DNAH6: variants seen among roughly 807,000 people sequenced by gnomAD.
DNAH6 encodes the protein dynein axonemal heavy chain 6.
Under a neutral mutation model 491.4 loss-of-function variants are expected in DNAH6, and 340 were observed. The observed-to-expected ratio is 0.69, with a 90% confidence interval of 0.63 to 0.76. The LOEUF is 0.76. DNAH6 is among the 30% of genes least tolerant of loss of function. DNAH6 has a pLI of 0.00. For synonymous variants in DNAH6, 1,603 were observed against 1,686.1 expected, an observed-to-expected ratio of 0.95 and a Z score of 1.21; for missense variants, 4,443 against 4,972.2, an observed-to-expected ratio of 0.89 and a Z score of 3.20.
chr2:84,694,537 G>T (rs1390534698), intron 46 of DNAH6, 57 bp downstream of exon 46: 1 of 1,301,888 alleles, frequency 7.7e-7, no homozygotes, highest in South Asian at 1.3e-5. Flanking sequence ...GTTACAATCG[G>T]GTGTGTGCTT....
intron 37 of DNAH6, among the ~76,000 whole-genome samples, chr2:84,661,644 A>G (rs2104606169): frequency 6.6e-6 from 1 of 152,314 alleles, no homozygotes; most frequent in Admixed American, 6.5e-5. Context: ...AGAAATTTTA[A>G]AACATCTGTA....
chr2:84,661,591 T>G (rs796557316), intron 37 of DNAH6, among the ~76,000 whole-genome samples: 6 of 152,300 alleles, frequency 3.9e-5, no homozygotes, highest in African/African-American at 1.4e-4. Context: ...AAGTAATGAA[T>G]GATGTGAAAG....
chr2:84,714,385 T>A (rs543962152), intron 57 of DNAH6, among the ~76,000 whole-genome samples: 2 of 152,290 alleles, frequency 1.3e-5, no homozygotes, highest in African/African-American at 4.8e-5. Context: ...ACACAGCCAC[T>A]GCCAGGGCTC....
At chr2:84,670,698 A>G (rs1008456911) in intron 39 of DNAH6, among the ~76,000 whole-genome samples, 6 of 152,182 alleles carry the variant, frequency 3.9e-5, no homozygotes, top group African/African-American at 1.4e-4. Context: ...AACATCTTCA[A>G]TCTCTGCCTC....
At position 84,778,249 on chromosome 2, in the gene DNAH6, A is replaced by G. The variant is rs1177077812; in HGVS notation, c.10704-3244A>G. 4.8e-6 allele frequency: 3 copies of G among 620,694 alleles called. No individual in the cohort carries two copies. The African/African-American group carries it at 5.5e-5, about 11-fold the overall frequency. The allele number at this position is 620,694 out of a possible 1,614,324, so 38.4% of individuals were successfully genotyped here. On this transcript the variant is annotated intron_variant, in intron 64 of 76. Coordinates refer to ENST00000389394, the MANE Select transcript of DNAH6 (RefSeq NM_001370.2). ...ATTGGACTTGGAACCAAAAGGAATC[A>G]GGAATGCATGTCCGGCGGGCATCGG...
At chr2:84,792,027 C>T (rs1677804852) in intron 68 of DNAH6, among the ~76,000 whole-genome samples, 1 of 152,126 alleles carries the variant, frequency 6.6e-6, no homozygotes, top group Non-Finnish European at 1.5e-5. Context: ...TATATACATA[C>T]AATGGAATAC....
At chr2:84,611,572 A>G in intron 21 of DNAH6, 102 bp from the exon 22 acceptor site, 2 of 1,039,068 alleles carry the variant, frequency 1.9e-6, no homozygotes, top group Non-Finnish European at 2.8e-6. Context: ...CACCACCCTC[A>G]AGGAAAAAGA....
At chr2:84,604,597 A>G in intron 19 of DNAH6, 46 bp downstream of exon 19, 2 of 1,425,130 alleles carry the variant, frequency 1.4e-6, no homozygotes, top group South Asian at 2.6e-5. Flanking sequence ...AGGGAATGTG[A>G]AAGTTTTCAG....
At chr2:84,783,881 T>A (rs1325935633) in intron 65 of DNAH6, among the ~76,000 whole-genome samples, 1 of 152,030 alleles carries the variant, frequency 6.6e-6, no homozygotes, top group African/African-American at 2.4e-5. Flanking sequence ...AGATGGGATG[T>A]GAGTAGGGAG....
At position 84,819,350 on chromosome 2, in the gene DNAH6, G is replaced by T; in HGVS notation, c.12419G>T (p.Arg4140Leu). Reference protein sequence around the residue: ...FVVTVLLPSKRSKDYWIAKGS... With the variant: ...FVVTVLLPSKLSKDYWIAKGS... ...GTAACCGTCCTGTTACCCTCCAAGC[G>T]GTCCAAAGACTACTGGATTGCCAAG... Residue 4140 changes from arginine (R) to leucine (L), a missense_variant, in exon 77 of 77, where the codon CGG (arginine) becomes CTG (leucine). Coordinates refer to ENST00000389394, the MANE Select transcript of DNAH6 (RefSeq NM_001370.2). The T allele has an allele frequency of 1.0e-5, 16 of 1,551,206 alleles. No individual in the cohort carries two copies. Among genetic ancestry groups the T allele is most frequent in the Non-Finnish European group, 1.4e-5 (16 of 1,146,792 alleles).
chr2:84,667,644 A>G (rs1354704268), intron 37 of DNAH6, among the ~76,000 whole-genome samples: 1 of 152,202 alleles, frequency 6.6e-6, no homozygotes, highest in Non-Finnish European at 1.5e-5. Flanking sequence ...TGTTGGTGGG[A>G]CTGTAAACTA....
rs576227452 is a variant in DNAH6 at position 84,813,201 on chromosome 2, G to A, written c.11998+71G>A. ...CTCATACACAGGGTTTTGAGGTGCT[G>A]GGGAAATGACATGGCTGCTAATGCT... is the stretch of plus-strand genomic sequence containing the variant. On this transcript the variant is annotated intron_variant, in intron 74 of 76. Transcript: ENST00000389394. 2.7e-6 allele frequency: 3 copies of A among 1,127,030 alleles called. No individual in the cohort carries two copies. In the East Asian group the frequency reaches 7.7e-5, roughly 29 times the overall value. The allele number at this position is 1,127,030 out of a possible 1,614,324, so 69.8% of individuals were successfully genotyped here.
intron 63 of DNAH6, among the ~76,000 whole-genome samples, chr2:84,748,691 C>T (rs1673187400): frequency 6.6e-6 from 1 of 152,228 alleles, no homozygotes; most frequent in South Asian, 2.1e-4. Context: ...AGTATCTTCT[C>T]ATTACTCAGT....
At chr2:84,560,262 T>C (rs1680505045) in intron 11 of DNAH6, among the ~76,000 whole-genome samples, 1 of 152,050 alleles carries the variant, frequency 6.6e-6, no homozygotes, top group Non-Finnish European at 1.5e-5. Context: ...AAAGAATTTT[T>C]CTGCAGGTCT....
intron 13 of DNAH6, 84 bp from the exon 14 acceptor site, chr2:84,579,443 C>A: frequency 6.8e-7 from 1 of 1,476,822 alleles, no homozygotes; most frequent in Non-Finnish European, 9.3e-7. Context: ...GCTGATTTAA[C>A]AAATCCAATT....
intron 16 of DNAH6, among the ~76,000 whole-genome samples, chr2:84,593,120 TA>T (rs1300469330): frequency 6.6e-6 from 1 of 152,182 alleles, no homozygotes; most frequent in Non-Finnish European, 1.5e-5. Flanking sequence ...AAAGAAAAGT[TA>T]AAAAATAAAT....
intron 51 of DNAH6, 56 bp downstream of exon 51, chr2:84,704,358 T>G: frequency 7.7e-7 from 1 of 1,292,142 alleles, no homozygotes. Context: ...TCTTTACTGT[T>G]TTCCTCCATG....
intron 14 of DNAH6, among the ~76,000 whole-genome samples, chr2:84,583,077 C>A (rs1450060309): frequency 1.3e-5 from 2 of 152,158 alleles, no homozygotes; most frequent in East Asian, 3.8e-4. Flanking sequence ...CTGGGGTATC[C>A]CTTGCCAGAA....
the DNAH6 span, among the ~76,000 whole-genome samples, chr2:84,511,236 T>G: frequency 6.6e-6 from 1 of 152,320 alleles, no homozygotes; most frequent in African/African-American, 2.4e-5. Flanking sequence ...TCGAGCTTCC[T>G]GGCTGCTTTG....
Sources: allele counts gnomAD v4.1 joint callset (sites outside exome capture counted in the v4.1 genomes callset), GRCh38; gene constraint gnomAD v4.1.1; transcripts MANE v1.5; gene names NCBI Gene and HGNC (gene_info 2026-07-23, HGNC 2026-07-21).